The following CDH1 variants were observed in gnomAD, a reference collection of about 807,000 sequenced individuals.
CDH1 encodes cadherin 1.
In CDH1, 35 loss-of-function variants were observed where a neutral mutation model predicts 84.5. The ratio of observed to expected loss-of-function variants is 0.41; its 90% CI spans 0.32 to 0.55. The LOEUF (loss-of-function observed/expected upper bound fraction) is 0.55, where lower values mean the gene tolerates loss of function less well. Ranked by LOEUF, CDH1 falls within the 20% of genes least tolerant of loss-of-function variation. CDH1 has a pLI of 0.19. For synonymous variants in CDH1, 417 were observed against 439.0 expected (o/e 0.95, Z 0.63); for missense variants, 994 against 1,126.6 (o/e 0.88, Z 1.68).
chr16:68,804,822 A>ATTTTTTT (rs1960608492), intron 3 of CDH1, among the ~76,000 whole-genome samples: 15 of 124,568 alleles, frequency 1.2e-4, no homozygotes, highest in African/African-American at 5.5e-4. Context: ...AGGTAACAAA[A>ATTTTTTT]TCTTTTTTTT....
At chr16:68,813,605 T>G (rs1295768566) in intron 9 of CDH1, 110 bp downstream of exon 9, 1 of 1,086,446 alleles carries the variant, frequency 9.2e-7, no homozygotes, top group Admixed American at 1.7e-5. Context: ...GGGGACAGGG[T>G]GACTTTCCCA....
At chr16:68,765,843 TCTC>T (rs1184615804) in intron 2 of CDH1, among the ~76,000 whole-genome samples, 2 of 152,188 alleles carry the variant, frequency 1.3e-5, no homozygotes, top group Admixed American at 6.5e-5. Flanking sequence ...TAGTTAATCT[TCTC>T]CTATGTGTCA....
intron 2 of CDH1, among the ~76,000 whole-genome samples, chr16:68,755,710 C>G (rs1179628513): frequency 1.3e-5 from 2 of 151,994 alleles, no homozygotes; most frequent in Non-Finnish European, 2.9e-5. Flanking sequence ...CCACTCCCCA[C>G]CCCTCAGCAT....
rs57413297 is a variant in CDH1 at position 68,758,207 on chromosome 16, C to CTTTTTTTTTTTT, written c.163+19812_163+19823dup. 3.2e-4 allele frequency among the ~76,000 whole-genome samples: 13 copies of CTTTTTTTTTTTT among 40,046 alleles called. 4 individuals are homozygous for CTTTTTTTTTTTT. The highest frequency in any genetic ancestry group is 1.2e-3 in the African/African-American group (11 of 9,558). The allele number at this position is 40,046 out of a possible 152,430, so 26.3% of individuals were successfully genotyped here. On this transcript the variant is annotated intron_variant, in intron 2 of 15. Coordinates refer to ENST00000261769, the MANE Select transcript of CDH1 (RefSeq NM_004360.5). ...GCCTAGGGTAGGCTTCTTTTTATTT[C>CTTTTTTTTTTTT]TTTTTTTTTTTTTTTTTTTTTTTTT...
intron 2 of CDH1, among the ~76,000 whole-genome samples, chr16:68,772,638 A>G (rs937168099): frequency 3.3e-5 from 5 of 152,146 alleles, no homozygotes; most frequent in African/African-American, 4.8e-5. Context: ...TTGCCCATGA[A>G]AAACACCAGA....
chr16:68,745,029 G>A (rs773069212), intron 2 of CDH1, among the ~76,000 whole-genome samples: 7 of 152,180 alleles, frequency 4.6e-5, no homozygotes, highest in Non-Finnish European at 8.8e-5. Flanking sequence ...TGTGCAGGGT[G>A]CTCAGGGTGG....
At chr16:68,789,409 A>G (rs1960151626) in intron 2 of CDH1, among the ~76,000 whole-genome samples, 1 of 152,094 alleles carries the variant, frequency 6.6e-6, no homozygotes, top group Non-Finnish European at 1.5e-5. Context: ...CAAGGGAGTA[A>G]ATGAATTAGG....
chr16:68,808,046 C>T (rs1017796422), intron 3 of CDH1, among the ~76,000 whole-genome samples: 10 of 152,078 alleles, frequency 6.6e-5, no homozygotes, highest in Non-Finnish European at 1.3e-4. Flanking sequence ...GTACCCCAGC[C>T]TCAGTGATAG....
chr16:68,750,901 C>T (rs758965331), intron 2 of CDH1, among the ~76,000 whole-genome samples: 2 of 151,908 alleles, frequency 1.3e-5, no homozygotes, highest in Admixed American at 6.6e-5. Flanking sequence ...AAAGGGATCT[C>T]GCTATATTGC....
At position 68,835,089 on chromosome 16, in the gene CDH1, T is replaced by C. The variant is rs1308561869; in HGVS notation, c.*1590T>C. 1 of 231,612 alleles carries C rather than the reference T, an allele frequency of 4.3e-6. No individual in the cohort carries two copies. Among genetic ancestry groups the C allele is most frequent in the East Asian group, 6.1e-5 (1 of 16,492 alleles). The allele number at this position is 231,612 out of a possible 1,614,324, so 14.3% of individuals were successfully genotyped here. ...GGCTGAGCTGAACACATTTGCCCAA[T>C]TCCAGGTGTGCACAGAAAACCGAGA... On this transcript the variant is annotated 3_prime_UTR_variant, in exon 16 of 16. Coordinates refer to ENST00000261769, the MANE Select transcript of CDH1 (RefSeq NM_004360.5).
chr16:68,747,805 C>T (rs1018791954), intron 2 of CDH1, among the ~76,000 whole-genome samples: 3 of 152,108 alleles, frequency 2.0e-5, no homozygotes, highest in African/African-American at 7.2e-5. Flanking sequence ...GCTCTATTGT[C>T]CAGGCTGGAG....
At chr16:68,801,648 C>T in intron 2 of CDH1, 22 bp from the exon 3 acceptor site, 1 of 1,590,150 alleles carries the variant, frequency 6.3e-7, no homozygotes, top group African/African-American at 1.3e-5. Flanking sequence ...ATTTCCTAAT[C>T]TCTGTGATTT....
chr16:68,820,780 T>C (rs1961122601), intron 11 of CDH1, among the ~76,000 whole-genome samples: 1 of 152,142 alleles, frequency 6.6e-6, no homozygotes, highest in African/African-American at 2.4e-5. Flanking sequence ...TTTAAATACA[T>C]TTATAGGCTG....
In CDH1 at chr16:68,785,355, C is replaced by A. The variant is rs142842632; in HGVS notation, c.164-16315C>A. Among the ~76,000 whole-genome samples, 373 of 152,228 alleles carry A rather than the reference C, an allele frequency of 2.5e-3. 1 individual carries two copies. Among genetic ancestry groups the A allele is most frequent in the Non-Finnish European group, 3.8e-3 (260 of 68,016 alleles). ...TACAGGCATGCACTACCATGCCCAGCTAAGTTTTGTATTTTTAGTAGAGAC... is the reference window on the plus strand; with the variant it reads ...TACAGGCATGCACTACCATGCCCAGATAAGTTTTGTATTTTTAGTAGAGAC... On this transcript the variant is annotated intron_variant, in intron 2 of 15. Transcript: ENST00000261769.
At chr16:68,761,963 G>A (rs1283067395) in intron 2 of CDH1, among the ~76,000 whole-genome samples, 7 of 152,128 alleles carry the variant, frequency 4.6e-5, no homozygotes, top group South Asian at 4.1e-4. Flanking sequence ...CAGATCCACC[G>A]GCTGCCTCCT....
chr16:68,825,119 A>G (rs9936775), intron 13 of CDH1, among the ~76,000 whole-genome samples: 2 of 150,232 alleles, frequency 1.3e-5, no homozygotes, highest in African/African-American at 2.4e-5. Context: ...ATTAAAAAAA[A>G]TTTTTTAAAA....
At chr16:68,813,117 T>C (rs1483637757) in intron 8 of CDH1, among the ~76,000 whole-genome samples, 196 bp from the exon 9 acceptor site, 1 of 152,078 alleles carries the variant, frequency 6.6e-6, no homozygotes, top group Non-Finnish European at 1.5e-5. Flanking sequence ...CTCTGGAGGC[T>C]GAGGTGGGAG....
chr16:68,801,673 A>G lies in CDH1; in HGVS notation c.167A>G (p.Asn56Ser). The part of the protein sequence containing the change: ...LERGRVLGRV[N>S]FEDCTGRQRT... The stretch of plus-strand genomic sequence containing the variant: ...CTCTGTGATTTCTGCCCTGCAGTGA[A>G]TTTTGAAGATTGCACCGGTCGACAA... The change falls in exon 3 of 16, where the codon AAT (asparagine) becomes AGT (serine). Residue 56 changes from asparagine to serine, a missense_variant. By Grantham distance (46) the Asn-to-Ser change is conservative. Coordinates refer to ENST00000261769, the MANE Select transcript of CDH1 (RefSeq NM_004360.5). 6.2e-7 allele frequency: 1 copy of G among 1,613,194 alleles called. No homozygotes were observed. Among genetic ancestry groups the G allele is most frequent in the African/African-American group, 1.3e-5 (1 of 74,970 alleles).
intron 2 of CDH1, among the ~76,000 whole-genome samples, chr16:68,779,532 A>G (rs1175467016): frequency 6.6e-6 from 1 of 152,178 alleles, no homozygotes; most frequent in African/African-American, 2.4e-5. Flanking sequence ...ATTAACTGCA[A>G]TTCTGCATGG....
Sources: allele counts gnomAD v4.1 joint callset (sites outside exome capture counted in the v4.1 genomes callset), GRCh38; gene constraint gnomAD v4.1.1; transcripts MANE v1.5; gene names NCBI Gene and HGNC (gene_info 2026-07-23, HGNC 2026-07-21).